CNTNAP2: variants seen among roughly 807,000 people sequenced by gnomAD.
The protein encoded by CNTNAP2 is contactin-associated protein-like 2.
Under a neutral mutation model 155.2 loss-of-function variants are expected in CNTNAP2, and 98 were observed. The observed-to-expected ratio is 0.63, with a 90% CI of 0.54 to 0.75. The LOEUF (loss-of-function observed/expected upper bound fraction) is 0.75. Among genes scored for constraint, CNTNAP2 ranks in the 30% least tolerant of loss-of-function variants. CNTNAP2 has a pLI of 0.00. For synonymous variants in CNTNAP2, 651 were observed against 631.2 expected (o/e 1.03, Z -0.47); for missense variants, 1,727 against 1,688.1 (o/e 1.02, Z -0.40).
intron 11 of CNTNAP2, among the ~76,000 whole-genome samples, chr7:147,560,654 T>C (rs138982467): frequency 3.5e-4 from 53 of 152,066 alleles, no homozygotes; most frequent in Middle Eastern, 3.4e-3. Flanking sequence ...TTCGAAGGTC[T>C]TCTATCCGTG....
At chr7:148,161,052 T>G (rs1585159133) in intron 17 of CNTNAP2, among the ~76,000 whole-genome samples, 1 of 152,358 alleles carries the variant, frequency 6.6e-6, no homozygotes, top group East Asian at 1.9e-4. Context: ...TTATCCGTTC[T>G]GCCATTCAGC....
chr7:146,694,604 T>A (rs1314238596), intron 1 of CNTNAP2, among the ~76,000 whole-genome samples: 1 of 152,164 alleles, frequency 6.6e-6, no homozygotes, highest in Non-Finnish European at 1.5e-5. Context: ...CAGATAAACT[T>A]TAGAATCAGT....
Position 146,196,126 on chromosome 7 carries a change from T to C in CNTNAP2, c.97+79153T>C, listed in dbSNP as rs114235970. Among the ~76,000 whole-genome samples, 813 of 152,322 alleles carry C rather than the reference T, an allele frequency of 5.3e-3. 6 individuals carry two copies. The highest frequency in any genetic ancestry group is 0.018 in the African/African-American group (756 of 41,580). On this transcript the variant is annotated intron_variant, in intron 1 of 23. Transcript: ENST00000361727. Reference sequence around the variant, plus strand: ...AAGTTTGCATATGCATATGGAATGCTCATGCACAATTACATTTGAGTGCAC... The same window carrying C: ...AAGTTTGCATATGCATATGGAATGCCCATGCACAATTACATTTGAGTGCAC...
chr7:147,404,179 A>C (rs1260002616), intron 10 of CNTNAP2, among the ~76,000 whole-genome samples: 5 of 152,180 alleles, frequency 3.3e-5, no homozygotes, highest in Non-Finnish European at 7.3e-5. Flanking sequence ...AGATAAATTC[A>C]CGTTATTCAA....
At chr7:146,896,289 G>T (rs1795875149) in intron 3 of CNTNAP2, among the ~76,000 whole-genome samples, 1 of 151,810 alleles carries the variant, frequency 6.6e-6, no homozygotes, top group South Asian at 2.1e-4. Flanking sequence ...ACCCTTTTAG[G>T]CAATGCCTGA....
intron 8 of CNTNAP2, among the ~76,000 whole-genome samples, chr7:147,151,429 A>C (rs1481213597): frequency 6.6e-6 from 1 of 152,202 alleles, no homozygotes; most frequent in Admixed American, 6.5e-5. Context: ...TATATCTAGC[A>C]TGCAAACTAT....
intron 21 of CNTNAP2, among the ~76,000 whole-genome samples, chr7:148,320,470 G>A (rs575713455): frequency 1.4e-4 from 18 of 127,344 alleles, no homozygotes; most frequent in African/African-American, 3.8e-4. Flanking sequence ...GGCACCCTCC[G>A]CCTCCTGGGT....
chr7:148,342,318 A>G (rs1798251002), intron 21 of CNTNAP2, among the ~76,000 whole-genome samples: 2 of 152,242 alleles, frequency 1.3e-5, no homozygotes, highest in South Asian at 2.1e-4. Flanking sequence ...TTATTTCTGT[A>G]TAGTCCAAGG....
chr7:146,917,332 C>T (rs1585156603), intron 3 of CNTNAP2, among the ~76,000 whole-genome samples: 1 of 152,008 alleles, frequency 6.6e-6, no homozygotes, highest in African/African-American at 2.4e-5. Context: ...TCCATTTGTT[C>T]CAGGGTATAG....
At chr7:147,965,793 G>T (rs1470543026) in intron 14 of CNTNAP2, among the ~76,000 whole-genome samples, 1 of 152,078 alleles carries the variant, frequency 6.6e-6, no homozygotes, top group African/African-American at 2.4e-5. Context: ...TTTAGTCCCA[G>T]TCACTGAGAG....
At chr7:146,357,277 C>A (rs549271624) in intron 1 of CNTNAP2, among the ~76,000 whole-genome samples, 135 of 150,258 alleles carry the variant, frequency 9.0e-4, no homozygotes, top group African/African-American at 3.2e-3. Context: ...TAAAACATAC[C>A]CCACTACGTC....
chr7:147,907,919 A>G (rs757912777), intron 14 of CNTNAP2, among the ~76,000 whole-genome samples: 1 of 150,358 alleles, frequency 6.7e-6, no homozygotes, highest in African/African-American at 2.4e-5. Context: ...ACAGGCACGC[A>G]TCACCATGCC....
chr7:147,944,897 A>G (rs1800791674), intron 14 of CNTNAP2, among the ~76,000 whole-genome samples: 1 of 152,220 alleles, frequency 6.6e-6, no homozygotes, highest in South Asian at 2.1e-4. Flanking sequence ...CAGCCATTAT[A>G]AAAATCTTCT....
intron 13 of CNTNAP2, among the ~76,000 whole-genome samples, chr7:147,752,083 G>GA (rs1029113227): frequency 1.3e-5 from 2 of 152,188 alleles, no homozygotes; most frequent in African/African-American, 4.8e-5. Flanking sequence ...GAGCATGTGA[G>GA]AAAATATAAA....
At chr7:146,450,422 A>G (rs990504306) in intron 1 of CNTNAP2, among the ~76,000 whole-genome samples, 10 of 152,302 alleles carry the variant, frequency 6.6e-5, no homozygotes, top group Admixed American at 2.0e-4. Context: ...GGATTTACTC[A>G]TTTTCTGCAT....
intron 1 of CNTNAP2, among the ~76,000 whole-genome samples, chr7:146,526,106 C>G (rs1797688415): frequency 6.6e-6 from 1 of 151,834 alleles, no homozygotes; most frequent in African/African-American, 2.4e-5. Context: ...TAAAGGAAAA[C>G]AGAAAAATTG....
rs192458143 is a variant in CNTNAP2, at chr7:148,042,138, C to T, written c.2383+64149C>T. ...TCTTTTACAATTGTGATTAAAAAAA[C>T]ACATAACACCAAATTGACGATCTTA... On this transcript the variant is annotated intron_variant, in intron 15 of 23. Transcript: ENST00000361727. Among the ~76,000 whole-genome samples, 228 of 152,286 alleles carry T rather than the reference C, an allele frequency of 1.5e-3. No homozygotes were observed. In the Middle Eastern group the frequency reaches 0.027, roughly 18 times the overall value.
intron 13 of CNTNAP2, among the ~76,000 whole-genome samples, chr7:147,733,291 T>A (rs961004584): frequency 6.6e-6 from 1 of 152,188 alleles, no homozygotes; most frequent in Non-Finnish European, 1.5e-5. Context: ...TTTCCCCATT[T>A]CTTGTTTTTG....
intron 1 of CNTNAP2, among the ~76,000 whole-genome samples, chr7:146,770,315 TATACACACAC>T (rs1802271054): frequency 8.4e-6 from 1 of 119,580 alleles, no homozygotes; most frequent in African/African-American, 3.6e-5. Context: ...TATGTGTGTG[TATACACACAC>T]ACACACACAC....
Sources: allele counts gnomAD v4.1 joint callset (sites outside exome capture counted in the v4.1 genomes callset), GRCh38; gene constraint gnomAD v4.1.1; transcripts MANE v1.5; gene names NCBI Gene and HGNC (gene_info 2026-07-23, HGNC 2026-07-21).